Variants in AMZ2 observed in about 807,000 individuals in gnomAD.
AMZ2 encodes archaemetzincin-2.
Under a neutral mutation model 36.7 loss-of-function variants are expected in AMZ2, and 26 were observed. The ratio of observed to expected loss-of-function variants is 0.71; its 90% CI spans 0.52 to 0.98. The LOEUF is 0.98. Ranked by LOEUF, AMZ2 falls within the 50% of genes least tolerant of loss-of-function variation. The pLI, the probability that AMZ2 is intolerant of heterozygous loss-of-function variation, is 0.00. For missense variants in AMZ2, 394 were observed against 430.5 expected (o/e 0.92, Z 0.75); for synonymous variants, 144 against 149.1 (o/e 0.97, Z 0.25).
chr17:68,239,059 A>G (rs2073850122), intron 1 of AMZ2, among the ~76,000 whole-genome samples: 1 of 152,082 alleles, frequency 6.6e-6, no homozygotes, highest in Non-Finnish European at 1.5e-5. Flanking sequence ...CTGGGTTCTC[A>G]GTTTTGCTTG....
intron 1 of AMZ2, among the ~76,000 whole-genome samples, chr17:68,209,063 G>A (rs1168103520): frequency 2.0e-5 from 3 of 152,180 alleles, no homozygotes; most frequent in African/African-American, 7.2e-5. Context: ...TTGTTTTGCC[G>A]GATGGTCAGA....
At chr17:68,254,975 G>A (rs1216325591) in intron 5 of AMZ2, among the ~76,000 whole-genome samples, 1 of 152,236 alleles carries the variant, frequency 6.6e-6, no homozygotes, top group Non-Finnish European at 1.5e-5. Context: ...ACCCTCGACT[G>A]TAGTTGTCCT....
At position 68,212,554 on chromosome 17, in the gene AMZ2, TA is replaced by T. The variant is rs1277723211; in HGVS notation, c.-67+6319del. On this transcript the variant is annotated intron_variant, in intron 1 of 7. Coordinates refer to the AMZ2 transcript ENST00000674770. ...TTGTCACAAAAATAAATAATTTAAT[TA>T]AATAATTTTTTTTCTTTTCTTTCTT... Among the ~76,000 whole-genome samples the T allele has an allele frequency of 3.3e-5, 5 of 152,250 alleles. No homozygotes were observed. The East Asian group carries it at 9.6e-4, about 29-fold the overall frequency.
At chr17:68,226,233 G>A (rs2073512794) in intron 1 of AMZ2, among the ~76,000 whole-genome samples, 1 of 152,114 alleles carries the variant, frequency 6.6e-6, no homozygotes, top group Non-Finnish European at 1.5e-5. Flanking sequence ...ACGAAAAGAT[G>A]CCAAGCAAAA....
chr17:68,236,083 G>A (rs782241841), intron 1 of AMZ2, among the ~76,000 whole-genome samples: 19 of 151,978 alleles, frequency 1.3e-4, no homozygotes, highest in Non-Finnish European at 2.2e-4. Flanking sequence ...ACCCGCCTCG[G>A]CCTCCCAAAG....
intron 1 of AMZ2, among the ~76,000 whole-genome samples, chr17:68,233,810 C>T (rs4968789): frequency 0.13 from 19,043 of 151,966 alleles, 1,544 homozygotes; most frequent in East Asian, 0.3. Context: ...CAGCCTCAAC[C>T]TCCTGAGCCC....
chr17:68,250,984 T>A lies in AMZ2; in HGVS notation c.457+17T>A. On this transcript the variant is annotated intron_variant, in intron 3 of 6. Transcript: ENST00000359904. ...TTCATGCAGGTGAATTACACGACTTTGCAATTCGAACTGAGTATATGTATA... is the reference window on the plus strand; with the variant it reads ...TTCATGCAGGTGAATTACACGACTTAGCAATTCGAACTGAGTATATGTATA... The A allele has an allele frequency of 6.2e-7, 1 of 1,611,656 alleles. No individual in the cohort carries two copies. Among genetic ancestry groups the A allele is most frequent in the Non-Finnish European group, 8.5e-7 (1 of 1,179,452 alleles).
At chr17:68,209,633 T>TATATATATATATATATATATATA (rs1555725395) in intron 1 of AMZ2, among the ~76,000 whole-genome samples, 1 of 78,854 alleles carries the variant, frequency 1.3e-5, no homozygotes, top group East Asian at 3.9e-4. Context: ...TATATATATA[T>TATATATATATATATATATATATA]TTTTTTTTTT....
intron 1 of AMZ2, among the ~76,000 whole-genome samples, chr17:68,225,558 A>G (rs782678863): frequency 1.1e-4 from 17 of 152,292 alleles, no homozygotes; most frequent in Non-Finnish European, 1.6e-4. Flanking sequence ...AGCAATAGCT[A>G]TTTTTTAAAG....
intron 4 of AMZ2, among the ~76,000 whole-genome samples, chr17:68,251,666 CA>C (rs1306700685): frequency 4.9e-5 from 7 of 143,536 alleles, no homozygotes; most frequent in South Asian, 2.2e-4. Context: ...GACCGTGTCT[CA>C]AAAAAAAAAT....
intron 4 of AMZ2, 76 bp downstream of exon 4, chr17:68,251,254 A>T: frequency 6.7e-7 from 1 of 1,498,190 alleles, no homozygotes; most frequent in Middle Eastern, 1.8e-4. Context: ...GAGGGAAAAA[A>T]TTCCAACCAA....
At position 68,235,244 on chromosome 17, in the gene AMZ2, C is replaced by T. The variant is rs1261093740; in HGVS notation, c.-66-13396C>T. Among the ~76,000 whole-genome samples, 1 of 152,200 alleles carries T rather than the reference C, an allele frequency of 6.6e-6. No homozygotes were observed. The highest frequency in any genetic ancestry group is 2.4e-5 in the African/African-American group (1 of 41,442). On this transcript the variant is annotated intron_variant, in intron 1 of 7. Transcript: ENST00000674770. This position sits in a 1 kb window ranked among gnomAD's most constrained non-coding sequence, Gnocchi z 4.2. ...AGCAAAAAAACAACTTGTTAAATGT[C>T]AGGGCTTTGTGTTTTTGCCTTTGGG...
intron 1 of AMZ2, among the ~76,000 whole-genome samples, chr17:68,210,228 C>T (rs1383722382): frequency 3.3e-5 from 5 of 152,122 alleles, no homozygotes; most frequent in African/African-American, 1.2e-4. Context: ...CATGCAAAAA[C>T]GTATACACAT....
upstream of AMZ2, among the ~76,000 whole-genome samples, chr17:68,243,169 C>G (rs781836053): frequency 2.0e-5 from 3 of 149,296 alleles, no homozygotes; most frequent in South Asian, 2.1e-4. Flanking sequence ...CAATCTTGCT[C>G]TGTCACCCAG....
At chr17:68,221,296 C>G (rs1401221113) in intron 1 of AMZ2, among the ~76,000 whole-genome samples, 6 of 143,318 alleles carry the variant, frequency 4.2e-5, no homozygotes, top group Admixed American at 7.7e-5. Context: ...GAGTCAGGGT[C>G]TCACTGTGTT....
intron 4 of AMZ2, among the ~76,000 whole-genome samples, chr17:68,252,958 A>G (rs1437461381): frequency 8.5e-5 from 13 of 152,258 alleles, no homozygotes; most frequent in Non-Finnish European, 1.9e-4. Flanking sequence ...AGTTTCTTAA[A>G]TATTACATGA....
intron 1 of AMZ2, among the ~76,000 whole-genome samples, chr17:68,229,218 C>T (rs55997202): frequency 0.12 from 18,849 of 152,038 alleles, 1,422 homozygotes; most frequent in East Asian, 0.29. Context: ...GCCCTGATTC[C>T]ATGGCACTGA....
At chr17:68,243,043 CAAAAA>C (rs35857340), upstream of AMZ2, among the ~76,000 whole-genome samples, 4 of 105,092 alleles carry the variant, frequency 3.8e-5, no homozygotes, top group Admixed American at 1.1e-4. Context: ...GGCTCTGTCT[CAAAAA>C]AAAAAAAAAA....
At chr17:68,214,210 A>C (rs1555726733) in intron 1 of AMZ2, among the ~76,000 whole-genome samples, 10 of 152,010 alleles carry the variant, frequency 6.6e-5, no homozygotes. Context: ...GGGCCTTATC[A>C]ATTTTGACTT....
Sources: gnomAD v4.1 joint callset for allele counts (sites outside exome capture counted in the v4.1 genomes callset) on GRCh38, gnomAD v4.1.1 for gene constraint, Gnocchi (gnomAD v3.1) non-coding constraint, MANE v1.5 for transcripts, NCBI Gene and HGNC (gene_info 2026-07-23, HGNC 2026-07-21) for gene names.